MCTP1: variants seen among roughly 807,000 people sequenced by gnomAD.
MCTP1 encodes multiple C2 and transmembrane domain-containing protein 1.
MCTP1 carries 69 observed loss-of-function variants against 120.6 expected under a neutral mutation model. The observed-to-expected ratio is 0.57, with a 90% CI of 0.47 to 0.70. The LOEUF (loss-of-function observed/expected upper bound fraction) is 0.70. Among genes scored for constraint, MCTP1 ranks in the 30% least tolerant of loss-of-function variants. The pLI is 0.00. For missense variants in MCTP1, 1,203 were observed against 1,248.8 expected, an observed-to-expected ratio of 0.96 and a Z score of 0.55; for synonymous variants, 529 against 493.1, an observed-to-expected ratio of 1.07 and a Z score of -0.96.
chr5:94,839,470 AG>A (rs1790527685), intron 17 of MCTP1, among the ~76,000 whole-genome samples: 1 of 152,228 alleles, frequency 6.6e-6, no homozygotes, highest in Non-Finnish European at 1.5e-5. Context: ...GGGTATGCAG[AG>A]AAAAGGCTCA....
chr5:94,867,253 T>G, intron 17 of MCTP1: 1 of 1,475,098 alleles, frequency 6.8e-7, no homozygotes, highest in Non-Finnish European at 9.0e-7. Flanking sequence ...TGACAATTGC[T>G]TTCTTTAGGG....
At chr5:94,749,254 C>CA (rs1767651756) in intron 19 of MCTP1, among the ~76,000 whole-genome samples, 1 of 152,200 alleles carries the variant, frequency 6.6e-6, no homozygotes, top group Non-Finnish European at 1.5e-5. Flanking sequence ...GATGACTCAG[C>CA]AAAAAACACC....
At chr5:94,837,569 T>C (rs1561721887) in intron 17 of MCTP1, among the ~76,000 whole-genome samples, 1 of 152,142 alleles carries the variant, frequency 6.6e-6, no homozygotes, top group Non-Finnish European at 1.5e-5. Flanking sequence ...GTTAAATGAG[T>C]TACTATTTCT....
chr5:94,821,935 G>C (rs1455324127), intron 17 of MCTP1, among the ~76,000 whole-genome samples: 3 of 152,090 alleles, frequency 2.0e-5, no homozygotes, highest in Admixed American at 6.5e-5. Context: ...TGTGAATTAC[G>C]TTATACCATT....
intron 1 of MCTP1, among the ~76,000 whole-genome samples, chr5:95,164,836 C>A (rs1746138665): frequency 1.3e-5 from 2 of 152,108 alleles, no homozygotes; most frequent in African/African-American, 4.8e-5. Flanking sequence ...TACAAGAAAT[C>A]TGTTTCTCAT....
chr5:94,794,191 A>C (rs918778505), intron 18 of MCTP1, among the ~76,000 whole-genome samples: 1 of 152,232 alleles, frequency 6.6e-6, no homozygotes, highest in Non-Finnish European at 1.5e-5. Context: ...GAGGAATATC[A>C]TGACAGTAAA....
chr5:94,706,438 A>G lies in MCTP1; in HGVS notation c.*1058T>C, dbSNP rs556622160. On this transcript the variant is annotated 3_prime_UTR_variant, in exon 23 of 23. Transcript: ENST00000515393. ...CAAAACAGGTTTTCATGCATAATCA[A>G]GAATGATTTTTTTTAATAAATGAAT... 15 of 143,880 alleles carry G rather than the reference A, an allele frequency of 1.0e-4. No homozygotes were observed. Among genetic ancestry groups the G allele is most frequent in the Non-Finnish European group, 2.0e-4 (13 of 65,008 alleles). The allele number at this position is 143,880 out of a possible 1,614,324, so 8.9% of individuals were successfully genotyped here. A position where few individuals can be genotyped will look rare whatever the true frequency, so the allele number is the denominator to read the frequency against.
At chr5:94,766,672 TAA>T (rs35421224) in intron 19 of MCTP1, among the ~76,000 whole-genome samples, 2 of 143,232 alleles carry the variant, frequency 1.4e-5, no homozygotes. Flanking sequence ...AAAGTATAGT[TAA>T]AAAAAAAAAA....
chr5:94,712,449 A>G (rs1232394196), intron 20 of MCTP1, among the ~76,000 whole-genome samples: 6 of 151,922 alleles, frequency 3.9e-5, no homozygotes, highest in Non-Finnish European at 7.4e-5. Flanking sequence ...TTTTGACCCA[A>G]TAAAGGATGA....
intron 1 of MCTP1, chr5:95,081,275 C>A (rs1000571216): frequency 1.7e-6 from 1 of 578,694 alleles, no homozygotes; most frequent in African/African-American, 1.9e-5. Flanking sequence ...GTAGGTTATA[C>A]TGTAAATTAA....
intron 1 of MCTP1, among the ~76,000 whole-genome samples, chr5:95,138,864 T>C (rs940943366): frequency 1.7e-4 from 26 of 152,258 alleles, no homozygotes; most frequent in Admixed American, 1.6e-3. Flanking sequence ...GTAATGTATG[T>C]GGACAATCTC....
At chr5:94,725,712 T>C (rs188565003) in intron 19 of MCTP1, among the ~76,000 whole-genome samples, 1 of 152,288 alleles carries the variant, frequency 6.6e-6, no homozygotes, top group African/African-American at 2.4e-5. Context: ...ATGGTTCAAA[T>C]GCTGCTTCCA....
chr5:95,274,074 C>T (rs1487294415), intron 1 of MCTP1, among the ~76,000 whole-genome samples: 1 of 152,158 alleles, frequency 6.6e-6, no homozygotes, highest in African/African-American at 2.4e-5. Context: ...TGCTCAATTG[C>T]CTCCAGGGTT....
rs199573135 is a variant in MCTP1, at chr5:94,747,051, C to CT, written c.2610+32058dup. Among the ~76,000 whole-genome samples the CT allele has an allele frequency of 4.0e-3, 602 of 151,188 alleles. 4 individuals are homozygous for CT. Among genetic ancestry groups the CT allele is most frequent in the South Asian group, 0.014 (67 of 4,758 alleles). On this transcript the variant is annotated intron_variant, in intron 19 of 22. Transcript: ENST00000515393. ...ATAATTAGATAATGTAGGTTTCCAGCTTTTTTTTTAGGCTGGAGATACAGT... is the reference window on the plus strand; with the variant it reads ...ATAATTAGATAATGTAGGTTTCCAGCTTTTTTTTTTAGGCTGGAGATACAGT...
At chr5:94,721,639 A>G (rs1192036892) in intron 19 of MCTP1, among the ~76,000 whole-genome samples, 2 of 152,192 alleles carry the variant, frequency 1.3e-5, no homozygotes, top group Non-Finnish European at 2.9e-5. Context: ...TATAAAGTAT[A>G]TGACCCAAAA....
At chr5:94,863,325 C>T (rs1157804339) in intron 17 of MCTP1, among the ~76,000 whole-genome samples, 1 of 151,678 alleles carries the variant, frequency 6.6e-6, no homozygotes, top group Non-Finnish European at 1.5e-5. Context: ...AACGTTTCTG[C>T]TAGCGCTAAA....
At chr5:95,148,947 A>G (rs751625187) in intron 1 of MCTP1, among the ~76,000 whole-genome samples, 2 of 152,176 alleles carry the variant, frequency 1.3e-5, no homozygotes, top group African/African-American at 2.4e-5. Flanking sequence ...GGCACTGTAT[A>G]CTGGCAAAAT....
At position 94,846,555 on chromosome 5, in the gene MCTP1, A is replaced by G. The variant is rs561967730; in HGVS notation, c.2436+21778T>C. ...TCAGAAAAAATACCTATCAGGTGCT[A>G]TGCTTACTACCTGGGTAATGGAATT... is the stretch of plus-strand genomic sequence containing the variant. On this transcript the variant is annotated intron_variant, in intron 17 of 22. Transcript: ENST00000515393. 2.0e-4 allele frequency among the ~76,000 whole-genome samples: 31 copies of G among 152,310 alleles called. No homozygotes were observed. In the South Asian group the frequency reaches 6.4e-3, roughly 32 times the overall value.
intron 18 of MCTP1, among the ~76,000 whole-genome samples, chr5:94,784,275 T>C (rs980914727): frequency 6.6e-6 from 1 of 152,010 alleles, no homozygotes; most frequent in Non-Finnish European, 1.5e-5. Flanking sequence ...TATCACTGTG[T>C]TTGTGCATAA....
Sources: gnomAD v4.1 joint callset for allele counts (sites outside exome capture counted in the v4.1 genomes callset) on GRCh38, gnomAD v4.1.1 for gene constraint, MANE v1.5 for transcripts, NCBI Gene and HGNC (gene_info 2026-07-23, HGNC 2026-07-21) for gene names.